BFSP1: variants seen among roughly 807,000 people sequenced by gnomAD.
BFSP1 encodes the protein filensin.
BFSP1 carries 38 observed loss-of-function variants against 43.9 expected under a neutral mutation model. That is an observed-to-expected ratio of 0.87 (90% CI 0.67 to 1.14). The LOEUF is 1.14. Among genes scored for constraint, BFSP1 ranks in the 50% most tolerant of loss-of-function variants. The pLI is 0.00. For missense variants in BFSP1, 850 were observed against 875.1 expected (o/e 0.97, Z 0.36); for synonymous variants, 352 against 354.8 (o/e 0.99, Z 0.09).
chr20:17,539,131 T>TTTTTTTGG (rs2034676610), intron 1 of BFSP1, among the ~76,000 whole-genome samples: 1 of 136,930 alleles, frequency 7.3e-6, no homozygotes. Flanking sequence ...TTTTTTTTTT[T>TTTTTTTGG]GCAATGGGGT....
intron 1 of BFSP1, among the ~76,000 whole-genome samples, chr20:17,555,563 G>A (rs1000199154): frequency 6.6e-6 from 1 of 152,102 alleles, no homozygotes. Flanking sequence ...TGAGGCATGA[G>A]AATCGCTTGA....
rs2034530543 is a variant in BFSP1 at position 17,531,222 on chromosome 20, A to T, written c.108T>A (p.Ala36=). Residue 36 remains alanine, a synonymous_variant, in exon 1 of 8, where the codon GCT becomes GCA. Transcript: ENST00000377873. The stretch of plus-strand genomic sequence containing the variant: ...GCAGCGCCGCCAGGCTCGTTGCCCC[A>T]GCCCAGCCCTCGTCGGCCGGGCGCT... The part of the protein sequence containing the change: ...EPERPADEGW[A]GATSLAALQG... 1 of 1,354,244 alleles carries T rather than the reference A, an allele frequency of 7.4e-7. No individual in the cohort carries two copies. Among genetic ancestry groups the T allele is most frequent in the Non-Finnish European group, 9.5e-7 (1 of 1,052,964 alleles). The allele number at this position is 1,354,244 out of a possible 1,614,324, so 83.9% of individuals were successfully genotyped here. A position where few individuals can be genotyped will look rare whatever the true frequency, so the allele number is the denominator to read the frequency against.
rs1334359690 is a variant in BFSP1, at chr20:17,554,749, AG to A, written c.2+3938del. ...TCCAAACCTAACCCATGCAATGACA[AG>A]AATTAGAAATTAGTTATAAAAATTA... On this transcript the variant is annotated intron_variant, in intron 1 of 7. Transcript: ENST00000377868. Among the ~76,000 whole-genome samples the A allele has an allele frequency of 3.3e-5, 5 of 152,352 alleles. No individual in the cohort carries two copies. The East Asian group carries it at 9.6e-4, about 29-fold the overall frequency.
chr20:17,528,054 C>T (rs1005449533), intron 1 of BFSP1, among the ~76,000 whole-genome samples: 4 of 152,138 alleles, frequency 2.6e-5, no homozygotes, highest in Non-Finnish European at 5.9e-5. Flanking sequence ...ACATACTAAC[C>T]CATTGCTGCA....
intron 1 of BFSP1, among the ~76,000 whole-genome samples, chr20:17,550,602 T>G (rs2034880934): frequency 6.6e-6 from 1 of 151,910 alleles, no homozygotes; most frequent in South Asian, 2.1e-4. Context: ...GTAGATGGAA[T>G]TACAGGTGCC....
Position 17,495,170 on chromosome 20 carries a change from G to A in BFSP1, c.1043-141C>T, listed in dbSNP as rs1234931028. On this transcript the variant is annotated intron_variant, in intron 7 of 7. Coordinates refer to ENST00000377873, the MANE Select transcript of BFSP1 (RefSeq NM_001195.5). The stretch of plus-strand genomic sequence containing the variant: ...GGGGCTTCCTTCATCTGGAGCAGAA[G>A]CAATGGAAGAAAGGCCCTGGCTTTG... The A allele has an allele frequency of 9.6e-6, 8 of 833,268 alleles. No homozygotes were observed. In the East Asian group the frequency reaches 2.1e-4, roughly 22 times the overall value. The allele number at this position is 833,268 out of a possible 1,614,324, so 51.6% of individuals were successfully genotyped here.
Position 17,531,347 on chromosome 20 carries a change from C to A in BFSP1, c.-18G>T. Reference sequence around the variant, plus strand: ...CGGTACATGGCTGCTCTGGCGCGGGCGCGCGGGCGGCGCCGAGCCGGCTCT... The same window carrying A: ...CGGTACATGGCTGCTCTGGCGCGGGAGCGCGGGCGGCGCCGAGCCGGCTCT... On this transcript the variant is annotated 5_prime_UTR_variant, in exon 1 of 8. Coordinates refer to ENST00000377873, the MANE Select transcript of BFSP1 (RefSeq NM_001195.5). 3 of 1,374,202 alleles carry A rather than the reference C, an allele frequency of 2.2e-6. No homozygotes were observed. The highest frequency in any genetic ancestry group is 2.8e-6 in the Non-Finnish European group (3 of 1,069,674). 85.1% of individuals were successfully genotyped at this position (1,374,202 alleles called of 1,614,324 possible).
intron 1 of BFSP1, among the ~76,000 whole-genome samples, chr20:17,548,674 T>TA (rs1600680513): frequency 6.6e-6 from 1 of 152,226 alleles, no homozygotes; most frequent in African/African-American, 2.4e-5. Flanking sequence ...CCTCAATTTT[T>TA]AAAAAATCAG....
chr20:17,523,910 C>A (rs1485961448), intron 2 of BFSP1, among the ~76,000 whole-genome samples: 1 of 152,044 alleles, frequency 6.6e-6, no homozygotes, highest in Non-Finnish European at 1.5e-5. Flanking sequence ...CCGGCGCTAA[C>A]CCTGACTGTC....
chr20:17,529,032 T>G (rs2034477733), intron 1 of BFSP1, among the ~76,000 whole-genome samples: 1 of 151,670 alleles, frequency 6.6e-6, no homozygotes, highest in Admixed American at 6.6e-5. Context: ...TTATGTAATT[T>G]TAAATGGATG....
At position 17,531,193 on chromosome 20, in the gene BFSP1, C is replaced by A; in HGVS notation, c.137G>T (p.Gly46Val). 2.3e-6 allele frequency: 3 copies of A among 1,304,190 alleles called. No individual in the cohort carries two copies. The highest frequency in any genetic ancestry group is 2.9e-6 in the Non-Finnish European group (3 of 1,028,008). The allele number at this position is 1,304,190 out of a possible 1,614,324, so 80.8% of individuals were successfully genotyped here. ...AGATSLAALQ[G>V]LGERVAAHVQ... is the part of the protein sequence containing the mutation. ...GTGGGCGGCCACGCGCTCGCCGAGCCCCTGCAGCGCCGCCAGGCTCGTTGC... is the reference window on the plus strand; with the variant it reads ...GTGGGCGGCCACGCGCTCGCCGAGCACCTGCAGCGCCGCCAGGCTCGTTGC... Residue 46 changes from glycine to valine, a missense_variant, in exon 1 of 8, where the codon GGG (glycine) becomes GTG (valine). Gly to Val is a moderately radical substitution (Grantham distance 109). Transcript: ENST00000377873.
chr20:17,494,922 C>T lies in BFSP1; in HGVS notation c.1150G>A (p.Gly384Arg), dbSNP rs748635003. The T allele has an allele frequency of 1.4e-5, 22 of 1,614,004 alleles. No homozygotes were observed. Among genetic ancestry groups the T allele is most frequent in the East Asian group, 6.7e-5 (3 of 44,900 alleles). Residue 384 changes from glycine (G) to arginine (R), a missense_variant, in exon 8 of 8, where the codon GGA becomes AGA. Gly to Arg is a moderately radical substitution (Grantham distance 125). Transcript: ENST00000377873. ...TTTAATGGTGCATCTTCCAGAGCTC[C>T]GTTGGTTTTGTCTTTTGTTATAATC... ...KEIITKDKTN[G>R]ALEDAPLKGL...
At chr20:17,535,951 T>C (rs1390701469), upstream of BFSP1, among the ~76,000 whole-genome samples, 1 of 152,042 alleles carries the variant, frequency 6.6e-6, no homozygotes, top group Non-Finnish European at 1.5e-5. Flanking sequence ...TATGTATTTA[T>C]TTTTTTAAAA....
At chr20:17,549,083 T>A (rs2034853364) in intron 1 of BFSP1, among the ~76,000 whole-genome samples, 1 of 152,242 alleles carries the variant, frequency 6.6e-6, no homozygotes, top group Non-Finnish European at 1.5e-5. Context: ...ACTGTTGGGA[T>A]TATAGGTGTG....
chr20:17,508,817 G>A (rs371607486), intron 5 of BFSP1, 72 bp downstream of exon 5: 41 of 1,334,730 alleles, frequency 3.1e-5, no homozygotes, highest in Middle Eastern at 2.5e-4. Flanking sequence ...AGCTGCATGC[G>A]TGTGCCTGCG....
intron 1 of BFSP1, among the ~76,000 whole-genome samples, chr20:17,558,220 A>C (rs1257079386): frequency 1.3e-5 from 2 of 152,032 alleles, no homozygotes; most frequent in South Asian, 4.1e-4. Context: ...ATGATGCGTA[A>C]AATTTTTTCA....
Position 17,494,895 on chromosome 20 carries a change from C to A in BFSP1, c.1177G>T (p.Gly393Cys), listed in dbSNP as rs751346192. ...TGTACCAGCTTTGTGTCTTCCAAACCTTTTAATGGTGCATCTTCCAGAGCT... is the reference window on the plus strand; with the variant it reads ...TGTACCAGCTTTGTGTCTTCCAAACATTTTAATGGTGCATCTTCCAGAGCT... ...NGALEDAPLK[G>C]LEDTKLVQVV... Residue 393 changes from glycine to cysteine, a missense_variant, in exon 8 of 8, where the codon GGT (glycine) becomes TGT (cysteine). Physicochemically the swap from Gly to Cys is radical, Grantham distance 159. Coordinates refer to ENST00000377873, the MANE Select transcript of BFSP1 (RefSeq NM_001195.5). 6.2e-7 allele frequency: 1 copy of A among 1,614,174 alleles called. No individual in the cohort carries two copies. Among genetic ancestry groups the A allele is most frequent in the Non-Finnish European group, 8.5e-7 (1 of 1,180,034 alleles).
At chr20:17,561,952 A>C, upstream of BFSP1, among the ~76,000 whole-genome samples, 1 of 151,924 alleles carries the variant, frequency 6.6e-6, no homozygotes, top group East Asian at 2.0e-4. Flanking sequence ...ATGGAGTCTT[A>C]CACTGTCACC....
At position 17,530,972 on chromosome 20, in the gene BFSP1, G is replaced by T; in HGVS notation, c.358C>A (p.Leu120Ile). The T allele has an allele frequency of 6.9e-7, 1 of 1,438,928 alleles. No individual in the cohort carries two copies. The highest frequency in any genetic ancestry group is 1.4e-5 in the South Asian group (1 of 72,582). The allele number at this position is 1,438,928 out of a possible 1,614,324, so 89.1% of individuals were successfully genotyped here. A position where few individuals can be genotyped will look rare whatever the true frequency, so the allele number is the denominator to read the frequency against. Reference sequence around the variant, plus strand: ...GCTTACTTGCTTCGGAACTCGTCGAGCGCGCGCTGCGCCTCGGTGCCCTGG... The same window carrying T: ...GCTTACTTGCTTCGGAACTCGTCGATCGCGCGCTGCGCCTCGGTGCCCTGG... ...ERQGTEAQRALDEFRSKYENE... is the reference protein window; with the variant it reads ...ERQGTEAQRAIDEFRSKYENE... The change falls in exon 1 of 8, where the codon CTC (leucine) becomes ATC (isoleucine). Residue 120 changes from leucine (L) to isoleucine (I), a missense_variant. Coordinates refer to ENST00000377873, the MANE Select transcript of BFSP1 (RefSeq NM_001195.5).
Sources: allele counts gnomAD v4.1 joint callset (sites outside exome capture counted in the v4.1 genomes callset), GRCh38; gene constraint gnomAD v4.1.1; transcripts MANE v1.5; gene names NCBI Gene and HGNC (gene_info 2026-07-23, HGNC 2026-07-21).